PARP14: variants seen among roughly 807,000 people sequenced by gnomAD.
The protein encoded by PARP14 is poly(ADP-ribose) polymerase family member 14.
In PARP14, 59 loss-of-function variants were observed where a neutral mutation model predicts 154.2. The observed-to-expected ratio is 0.38, with a 90% CI of 0.31 to 0.48. The LOEUF is 0.48. PARP14 is among the 20% of genes least tolerant of loss of function. PARP14 has a pLI of 0.98. For synonymous variants in PARP14, 720 were observed against 780.5 expected, an observed-to-expected ratio of 0.92 and a Z score of 1.29; for missense variants, 1,734 against 2,131.6, an observed-to-expected ratio of 0.81 and a Z score of 3.67.
At chr3:122,694,475 T>G (rs1235163974) in intron 4 of PARP14, among the ~76,000 whole-genome samples, 3 of 152,194 alleles carry the variant, frequency 2.0e-5, no homozygotes, top group African/African-American at 7.2e-5. Context: ...GTTATATTTA[T>G]TTCTGTATCC....
intron 12 of PARP14, 99 bp downstream of exon 12, chr3:122,714,528 G>C (rs1932937268): frequency 2.3e-6 from 2 of 854,576 alleles, no homozygotes; most frequent in Non-Finnish European, 3.5e-6. Context: ...GTCTGACCCA[G>C]GGCAGCAACC....
intron 15 of PARP14, chr3:122,721,326 C>CAGTG (rs1420664952): frequency 1.8e-5 from 3 of 168,110 alleles, no homozygotes; most frequent in Non-Finnish European, 3.8e-5. Flanking sequence ...CAGTGGCTCA[C>CAGTG]GCCTGTAATC....
At position 122,728,392 on chromosome 3, in the gene PARP14, G is replaced by A; in HGVS notation, c.5201G>A (p.Gly1734Glu). The change falls in exon 17 of 17, where the codon GGG (glycine) becomes GAG (glutamate). Residue 1734 changes from glycine to glutamate, a missense_variant. Gly to Glu is a moderately conservative substitution (Grantham distance 98). Transcript: ENST00000474629. ...ACGTACTCCAGACCAGATGCAAATG[G>A]GAGAAAGCATGTGTATTATGTGCGA... Reference protein sequence around the residue: ...NDTYSRPDANGRKHVYYVRVL... With the variant: ...NDTYSRPDANERKHVYYVRVL... 6.2e-7 allele frequency: 1 copy of A among 1,613,654 alleles called. No individual in the cohort carries two copies. The highest frequency in any genetic ancestry group is 8.5e-7 in the Non-Finnish European group (1 of 1,179,602).
intron 2 of PARP14, among the ~76,000 whole-genome samples, chr3:122,685,759 A>G (rs2107635878): frequency 6.6e-6 from 1 of 151,960 alleles, no homozygotes; most frequent in African/African-American, 2.4e-5. Flanking sequence ...CGGCCCACCT[A>G]GGCCTCCCAA....
At chr3:122,692,689 T>C (rs1938580037) in intron 4 of PARP14, 146 bp downstream of exon 4, 1 of 673,478 alleles carries the variant, frequency 1.5e-6, no homozygotes, top group Non-Finnish European at 2.3e-6. Context: ...TTTTTTTTAT[T>C]TTGAAAGTGA....
At position 122,692,457 on chromosome 3, in the gene PARP14, A is replaced by G. The variant is rs752573664; in HGVS notation, c.512A>G (p.Asn171Ser). The G allele has an allele frequency of 9.9e-6, 16 of 1,613,558 alleles. No homozygotes were observed. Among genetic ancestry groups the G allele is most frequent in the Non-Finnish European group, 1.4e-5 (16 of 1,179,518 alleles). The change falls in exon 4 of 17, where the codon AAC (asparagine) becomes AGC (serine). Residue 171 changes from asparagine to serine, a missense_variant. Asn to Ser is a conservative substitution (Grantham distance 46). This residue lies in a region of PARP14 where 1,646 missense variants were observed against 1,976.0 expected (regional missense o/e 0.83). Coordinates refer to ENST00000474629, the MANE Select transcript of PARP14 (RefSeq NM_017554.3). Reference sequence around the variant, plus strand: ...ATAATGCTAATCTTGTTAGTGGAGAACATAAGTGGCCTGTCTAATGATGAC... The same window carrying G: ...ATAATGCTAATCTTGTTAGTGGAGAGCATAAGTGGCCTGTCTAATGATGAC... ...TDIMLILLVE[N>S]ISGLSNDDFQ...
At chr3:122,682,953 G>A (rs1320702700) in intron 1 of PARP14, among the ~76,000 whole-genome samples, 1 of 152,198 alleles carries the variant, frequency 6.6e-6, no homozygotes, top group African/African-American at 2.4e-5. Context: ...TACTCAGGAG[G>A]CTGAGGCAGG....
chr3:122,716,801 GC>G (rs1933013456), intron 12 of PARP14, among the ~76,000 whole-genome samples: 1 of 152,090 alleles, frequency 6.6e-6, no homozygotes, highest in African/African-American at 2.4e-5. Flanking sequence ...GGTCTGTTCT[GC>G]ATACGTGCCA....
At chr3:122,709,894 T>C (rs1236042990) in intron 9 of PARP14, among the ~76,000 whole-genome samples, 1 of 137,782 alleles carries the variant, frequency 7.3e-6, no homozygotes, top group Non-Finnish European at 1.6e-5. Flanking sequence ...GATTATTTGT[T>C]TTTTTTTTTG....
At chr3:122,715,340 T>C (rs1049378357) in intron 12 of PARP14, among the ~76,000 whole-genome samples, 1 of 152,154 alleles carries the variant, frequency 6.6e-6, no homozygotes, top group African/African-American at 2.4e-5. Flanking sequence ...TATGCTGGCA[T>C]TCTAGGCTTT....
At position 122,701,255 on chromosome 3, in the gene PARP14, G is replaced by A; in HGVS notation, c.2701G>A (p.Val901Met). 6.2e-7 allele frequency: 1 copy of A among 1,613,808 alleles called. No homozygotes were observed. Among genetic ancestry groups the A allele is most frequent in the Non-Finnish European group, 8.5e-7 (1 of 1,179,814 alleles). Residue 901 changes from valine (V) to methionine (M), a missense_variant, in exon 6 of 17, where the codon GTG becomes ATG. Around this residue, in one of 2 missense-constraint regions of PARP14, gnomAD observed 1,646 missense variants for 1,976.0 expected, o/e 0.83. Transcript: ENST00000474629. This position sits in a 1 kb window ranked among gnomAD's most constrained non-coding sequence, Gnocchi z 4.0. ...GTGTGTGTACCTATTAAGGAGAGCTGTGCAACTCAGTCTCTGTCTAGCCGA... is the reference window on the plus strand; with the variant it reads ...GTGTGTGTACCTATTAAGGAGAGCTATGCAACTCAGTCTCTGTCTAGCCGA... ...PRCVYLLRRAVQLSLCLAEKY... is the reference protein window; with the variant it reads ...PRCVYLLRRAMQLSLCLAEKY...
intron 1 of PARP14, chr3:122,683,280 C>G: frequency 1.0e-6 from 1 of 984,558 alleles, no homozygotes; most frequent in Non-Finnish European, 1.2e-6. Context: ...TCTCCACCCT[C>G]CATGCCAGGA....
At chr3:122,725,431 G>A (rs1352639766) in intron 15 of PARP14, among the ~76,000 whole-genome samples, 7 of 152,094 alleles carry the variant, frequency 4.6e-5, no homozygotes, top group Admixed American at 1.3e-4. Context: ...GGGCAGAGGC[G>A]AATTTTTTCT....
chr3:122,685,138 A>G (rs746475593), intron 1 of PARP14, 47 bp from the exon 2 acceptor site: 1 of 1,601,594 alleles, frequency 6.2e-7, no homozygotes, highest in Non-Finnish European at 8.5e-7. Context: ...TTTTGTAAAT[A>G]AAGATTGCTT....
intron 1 of PARP14, among the ~76,000 whole-genome samples, chr3:122,684,847 G>A (rs1433279986): frequency 6.6e-6 from 1 of 152,086 alleles, no homozygotes; most frequent in African/African-American, 2.4e-5. Flanking sequence ...CTGAGTGTCA[G>A]GTCCTGTACC....
chr3:122,681,205 C>A lies in PARP14; in HGVS notation c.187+135C>A, dbSNP rs112342265. On this transcript the variant is annotated intron_variant, in intron 1 of 16. Coordinates refer to ENST00000474629, the MANE Select transcript of PARP14 (RefSeq NM_017554.3). This position sits in a 1 kb window ranked among gnomAD's most constrained non-coding sequence, Gnocchi z 5.5. Reference sequence around the variant, plus strand: ...GTAGCGGAGGTGGCCGGGGCGGGGGCGGGGGCGGGGGCGGCAGAATGGATT... The same window carrying A: ...GTAGCGGAGGTGGCCGGGGCGGGGGAGGGGGCGGGGGCGGCAGAATGGATT... 1 of 71,784 alleles carries A rather than the reference C, an allele frequency of 1.4e-5. No homozygotes were observed. Among genetic ancestry groups the A allele is most frequent in the Non-Finnish European group, 3.0e-5 (1 of 33,702 alleles). 4.4% of individuals were successfully genotyped at this position (71,784 alleles called of 1,614,324 possible).
At position 122,681,969 on chromosome 3, in the gene PARP14, T is replaced by G. The variant is rs1576576704; in HGVS notation, c.187+899T>G. On this transcript the variant is annotated intron_variant, in intron 1 of 16. Coordinates refer to ENST00000474629, the MANE Select transcript of PARP14 (RefSeq NM_017554.3). This position sits in a 1 kb window ranked among gnomAD's most constrained non-coding sequence, Gnocchi z 5.5. ...TAATTCCGCTTTCATGTCGCTAGAT[T>G]TGGAGAAGCATTCGGGCCAGAGGAG... 6.6e-6 allele frequency among the ~76,000 whole-genome samples: 1 copy of G among 152,208 alleles called. No individual in the cohort carries two copies. The highest frequency in any genetic ancestry group is 2.4e-5 in the African/African-American group (1 of 41,528).
Position 122,703,959 on chromosome 3 carries a change from G to T in PARP14, c.3299G>T (p.Gly1100Val). ...LHVVAPEWRN[G>V]STSSLKIMED... ...GTGGTAGCTCCGGAGTGGAGAAATG[G>T]TAGCACATCTTCACTCAAGGTTGGG... is the stretch of plus-strand genomic sequence containing the variant. The change falls in exon 7 of 17, where the codon GGT becomes GTT. Residue 1100 changes from glycine (G) to valine (V), a missense_variant. Physicochemically the swap from Gly to Val is moderately radical, Grantham distance 109. This residue lies in a region of PARP14 where 1,646 missense variants were observed against 1,976.0 expected (regional missense o/e 0.83). Transcript: ENST00000474629. 6.2e-7 allele frequency: 1 copy of T among 1,612,868 alleles called. No individual in the cohort carries two copies. Among genetic ancestry groups the T allele is most frequent in the South Asian group, 1.1e-5 (1 of 91,052 alleles).
chr3:122,684,077 A>AC (rs1172604203), intron 1 of PARP14, among the ~76,000 whole-genome samples: 1 of 151,896 alleles, frequency 6.6e-6, no homozygotes, highest in African/African-American at 2.4e-5. Context: ...TCCAATTAAG[A>AC]CCCCACTTCC....
Sources: allele counts gnomAD v4.1 joint callset (sites outside exome capture counted in the v4.1 genomes callset), GRCh38; gene constraint gnomAD v4.1.1; regional missense constraint gnomAD v4.1.1; non-coding constraint Gnocchi (gnomAD v3.1); transcripts MANE v1.5; gene names NCBI Gene and HGNC (gene_info 2026-07-23, HGNC 2026-07-21).